The following FLNB variants were observed in gnomAD, a reference collection of about 807,000 sequenced individuals.
FLNB encodes the protein filamin-B.
In FLNB, 111 loss-of-function variants were observed where a neutral mutation model predicts 250.6. The ratio of observed to expected loss-of-function variants is 0.44; its 90% CI spans 0.38 to 0.52. FLNB has a LOEUF of 0.52. Ranked by LOEUF, FLNB falls within the 20% of genes least tolerant of loss-of-function variation. FLNB has a pLI of 0.00. For synonymous variants in FLNB, 1,302 were observed against 1,372.1 expected (o/e 0.95, Z 1.13); for missense variants, 2,869 against 3,447.8 (o/e 0.83, Z 4.20).
intron 27 of FLNB, among the ~76,000 whole-genome samples, chr3:58,135,585 T>G (rs894951512): frequency 1.3e-5 from 2 of 152,222 alleles, no homozygotes; most frequent in African/African-American, 4.8e-5. Flanking sequence ...GTGGCAAGGA[T>G]GCTAGGAAGT....
rs767188818 is a variant in FLNB at position 58,105,139 on chromosome 3, C to T, written c.1670C>T (p.Pro557Leu). 6.2e-7 allele frequency: 1 copy of T among 1,614,238 alleles called. No individual in the cohort carries two copies. The highest frequency in any genetic ancestry group is 2.2e-5 in the East Asian group (1 of 44,882). Residue 557 changes from proline to leucine, a missense_variant, in exon 11 of 46, where the codon CCT becomes CTT. Pro to Leu is a moderately conservative substitution (Grantham distance 98). Coordinates refer to ENST00000295956, the MANE Select transcript of FLNB (RefSeq NM_001457.4). The stretch of plus-strand genomic sequence containing the variant: ...ATGCAGAAAGTCCGTGCTTGGGGCC[C>T]TGGGCTCCATGGTGGGATTGTCGGG... ...AGMQKVRAWG[P>L]GLHGGIVGRS...
intron 1 of FLNB, among the ~76,000 whole-genome samples, chr3:58,043,050 G>GT (rs1161360505): frequency 1.3e-5 from 2 of 150,912 alleles, no homozygotes; most frequent in African/African-American, 4.9e-5. Flanking sequence ...ATTTCCTAGA[G>GT]TTTTGTCTGC....
chr3:58,010,846 G>A (rs1161579946), intron 1 of FLNB, among the ~76,000 whole-genome samples: 1 of 152,024 alleles, frequency 6.6e-6, no homozygotes, highest in African/African-American at 2.4e-5. Context: ...AGTGCCCGGG[G>A]CTGTGGGTCT....
In FLNB at chr3:58,118,862, C is replaced by T. The variant is rs754612844; in HGVS notation, c.2746-10C>T. 1.2e-6 allele frequency: 2 copies of T among 1,610,304 alleles called. No individual in the cohort carries two copies. Among genetic ancestry groups the T allele is most frequent in the Non-Finnish European group, 1.7e-6 (2 of 1,176,574 alleles). ...CCCAAAGGTAAACTGAGTTTTCTCT[C>T]TTGTTCCAGGGCAACATGCAGGTTC... On this transcript the variant is annotated splice_polypyrimidine_tract_variant and intron_variant, in intron 18 of 45. Coordinates refer to ENST00000295956, the MANE Select transcript of FLNB (RefSeq NM_001457.4).
chr3:58,117,001 C>CTGA (rs2097279241), intron 18 of FLNB, among the ~76,000 whole-genome samples: 1 of 152,160 alleles, frequency 6.6e-6, no homozygotes, highest in South Asian at 2.1e-4. Flanking sequence ...AGGGATGGTG[C>CTGA]TGAGGGTGGC....
chr3:58,154,627 T>C (rs1405404676), intron 39 of FLNB, 164 bp from the exon 40 acceptor site: 1 of 667,582 alleles, frequency 1.5e-6, no homozygotes, highest in Non-Finnish European at 2.6e-6. Context: ...CTTAGGAAAC[T>C]TCAGCAATGG....
Position 58,081,715 on chromosome 3 carries a change from C to T in FLNB, c.726C>T (p.Leu242=). 5 of 1,614,134 alleles carry T rather than the reference C, an allele frequency of 3.1e-6. No individual in the cohort carries two copies. Among genetic ancestry groups the T allele is most frequent in the East Asian group, 2.2e-5 (1 of 44,882 alleles). ...TYLSQFPKAK[L]KPGAPLKPKL... Reference sequence around the variant, plus strand: ...TGTCCCAGTTCCCCAAAGCCAAGCTCAAGCCGGGGGCTCCTCTCAAACCCA... The same window carrying T: ...TGTCCCAGTTCCCCAAAGCCAAGCTTAAGCCGGGGGCTCCTCTCAAACCCA... The change falls in exon 4 of 46, where the codon CTC becomes CTT. Residue 242 remains leucine (L), a synonymous_variant. Coordinates refer to ENST00000295956, the MANE Select transcript of FLNB (RefSeq NM_001457.4).
chr3:58,151,615 CTCAAAAAATAGACATCCACA>C, intron 38 of FLNB, among the ~76,000 whole-genome samples: 1 of 152,226 alleles, frequency 6.6e-6, no homozygotes, highest in African/African-American at 2.4e-5. Flanking sequence ...ATCTTCCCAC[CTCAAAAAATAGACATCCACA>C]TCATCTCTTT....
In FLNB at chr3:58,149,611, C is replaced by T. The variant is rs115342997; in HGVS notation, c.6092-239C>T. 4.0e-3 allele frequency: 2,358 copies of T among 582,250 alleles called. 38 individuals are homozygous for T. The highest frequency in any genetic ancestry group is 0.04 in the African/African-American group (2,123 of 53,542). The allele number at this position is 582,250 out of a possible 1,614,324, so 36.1% of individuals were successfully genotyped here. A position where few individuals can be genotyped will look rare whatever the true frequency, so the allele number is the denominator to read the frequency against. On this transcript the variant is annotated intron_variant, in intron 36 of 45. Transcript: ENST00000295956. Reference sequence around the variant, plus strand: ...TCATCTATGGGATATTAGTAAATATCCTTAAGGAAAGGCTTCTGTGGTCAA... The same window carrying T: ...TCATCTATGGGATATTAGTAAATATTCTTAAGGAAAGGCTTCTGTGGTCAA...
intron 32 of FLNB, among the ~76,000 whole-genome samples, chr3:58,144,195 C>T (rs1260681774): frequency 1.3e-5 from 2 of 152,058 alleles, no homozygotes; most frequent in Non-Finnish European, 2.9e-5. Context: ...TCCTTCCTAC[C>T]CCTCTCCTTG....
In FLNB at chr3:58,169,716, T is replaced by C. The variant is rs1283647370; in HGVS notation, c.7544T>C (p.Val2515Ala). 8.1e-6 allele frequency: 13 copies of C among 1,613,934 alleles called. No individual in the cohort carries two copies. The highest frequency in any genetic ancestry group is 1.0e-5 in the Non-Finnish European group (12 of 1,179,968). The stretch of plus-strand genomic sequence containing the variant: ...AAGGCATCCTCGGACGCCAGCAAGG[T>C]GACCTCTAAGGGGGCAGGGCTCTCA... ...IPKASSDASK[V>A]TSKGAGLSKA... The change falls in exon 45 of 46, where the codon GTG becomes GCG. Residue 2515 changes from valine to alanine, a missense_variant. Val to Ala is a moderately conservative substitution (Grantham distance 64, BLOSUM62 0). Around this residue, in one of 5 missense-constraint regions of FLNB, gnomAD observed 1,084 missense variants for 1,315.5 expected, o/e 0.82. Coordinates refer to ENST00000295956, the MANE Select transcript of FLNB (RefSeq NM_001457.4). The surrounding 1 kb of genome is among the most constrained non-coding windows in gnomAD (Gnocchi z 4.8).
chr3:58,086,094 C>T (rs1576691316), intron 4 of FLNB, among the ~76,000 whole-genome samples: 1 of 151,930 alleles, frequency 6.6e-6, no homozygotes, highest in Non-Finnish European at 1.5e-5. Flanking sequence ...CTTCTGGGCT[C>T]AAGTGATTCT....
At position 58,102,845 on chromosome 3, in the gene FLNB, G is replaced by A. The variant is rs575118263; in HGVS notation, c.1483+505G>A. 7.2e-5 allele frequency among the ~76,000 whole-genome samples: 11 copies of A among 152,326 alleles called. No homozygotes were observed. The South Asian group carries it at 2.3e-3, about 32-fold the overall frequency. ...GGAGAATAAAATTCCCTAAGATTAA[G>A]TTTTCTTTGTAGATAAATGCCATTT... is the stretch of plus-strand genomic sequence containing the variant. On this transcript the variant is annotated intron_variant, in intron 9 of 45. Transcript: ENST00000295956.
At chr3:58,054,509 C>T (rs561005328) in intron 1 of FLNB, among the ~76,000 whole-genome samples, 2 of 152,216 alleles carry the variant, frequency 1.3e-5, no homozygotes, top group South Asian at 2.1e-4. Flanking sequence ...GGGGAAGTCT[C>T]GGGAAACTTA....
intron 1 of FLNB, among the ~76,000 whole-genome samples, chr3:58,017,473 G>A (rs765880529): frequency 6.6e-6 from 1 of 152,092 alleles, no homozygotes; most frequent in African/African-American, 2.4e-5. Flanking sequence ...GGCTGGTCTC[G>A]AACTCCCGAT....
chr3:58,157,953 C>T (rs1432954584), intron 41 of FLNB, among the ~76,000 whole-genome samples: 5 of 152,216 alleles, frequency 3.3e-5, no homozygotes, highest in African/African-American at 9.7e-5. Flanking sequence ...CTGTTCTTCC[C>T]GGGTCATTTG....
chr3:58,119,016 G>T, intron 19 of FLNB, 27 bp downstream of exon 19: 1 of 1,493,800 alleles, frequency 6.7e-7, no homozygotes, highest in Middle Eastern at 1.7e-4. Flanking sequence ...AGAGCAGATG[G>T]GTTGTTGATG....
intron 28 of FLNB, among the ~76,000 whole-genome samples, chr3:58,137,045 C>T (rs547693371): frequency 2.4e-4 from 37 of 152,090 alleles, no homozygotes; most frequent in Admixed American, 1.3e-3. Context: ...AAGAACAGCC[C>T]TTGGGCAGCT....
chr3:58,100,379 T>A (rs1284853256), intron 8 of FLNB, among the ~76,000 whole-genome samples: 7 of 86,982 alleles, frequency 8.0e-5, no homozygotes, highest in South Asian at 4.6e-4. Flanking sequence ...AAAAAATATA[T>A]ATATATTTGC....
Sources: allele counts gnomAD v4.1 joint callset (sites outside exome capture counted in the v4.1 genomes callset), GRCh38; gene constraint gnomAD v4.1.1; regional missense constraint gnomAD v4.1.1; non-coding constraint Gnocchi (gnomAD v3.1); transcripts MANE v1.5; gene names NCBI Gene and HGNC (gene_info 2026-07-23, HGNC 2026-07-21).